CDH18: variants seen among roughly 807,000 people sequenced by gnomAD.
CDH18 encodes cadherin 18.
Under a neutral mutation model 67.9 loss-of-function variants are expected in CDH18, and 31 were observed. The observed-to-expected ratio is 0.46, with a 90% confidence interval of 0.34 to 0.62. The LOEUF is 0.62. CDH18 is among the 20% of genes least tolerant of loss of function. The probability of loss-of-function intolerance (pLI) is 0.01; values close to 1 mark genes in which losing one functional copy is unlikely to be tolerated. For synonymous variants in CDH18, 362 were observed against 347.2 expected (o/e 1.04, Z -0.48); for missense variants, 890 against 975.5 (o/e 0.91, Z 1.17).
chr5:19,827,045 A>C (rs2149975665), intron 3 of CDH18, among the ~76,000 whole-genome samples: 1 of 152,268 alleles, frequency 6.6e-6, no homozygotes, highest in Middle Eastern at 3.4e-3. Flanking sequence ...AAATCTACCA[A>C]GAAAATGGCA....
intron 1 of CDH18, among the ~76,000 whole-genome samples, chr5:20,275,222 G>C (rs1379135344): frequency 1.3e-5 from 2 of 152,072 alleles, no homozygotes; most frequent in East Asian, 3.9e-4. Flanking sequence ...AATGGGAGGT[G>C]ATTGGATCAT....
At chr5:19,553,371 C>T (rs567138283) in intron 8 of CDH18, among the ~76,000 whole-genome samples, 2 of 151,434 alleles carry the variant, frequency 1.3e-5, no homozygotes, top group Non-Finnish European at 2.9e-5. Flanking sequence ...CTGACCTGCA[C>T]GTTGTGAACA....
chr5:19,555,604 A>G (rs1239384208), intron 8 of CDH18, among the ~76,000 whole-genome samples: 5 of 152,138 alleles, frequency 3.3e-5, no homozygotes, highest in Non-Finnish European at 7.4e-5. Context: ...CCCATCCTCC[A>G]CAGCAGCCAC....
intron 1 of CDH18, among the ~76,000 whole-genome samples, chr5:20,470,720 T>A (rs1159564897): frequency 6.6e-6 from 1 of 152,158 alleles, no homozygotes; most frequent in African/African-American, 2.4e-5. Flanking sequence ...AAGTCTCTCC[T>A]CCTTTTGACA....
intron 1 of CDH18, among the ~76,000 whole-genome samples, chr5:20,436,107 T>C (rs902803717): frequency 2.0e-5 from 3 of 152,032 alleles, no homozygotes; most frequent in Admixed American, 6.6e-5. Flanking sequence ...CACCTTTCCC[T>C]GTCTCTGATG....
At chr5:19,570,699 T>C (rs1183134178) in intron 8 of CDH18, among the ~76,000 whole-genome samples, 1 of 151,804 alleles carries the variant, frequency 6.6e-6, no homozygotes, top group African/African-American at 2.4e-5. Context: ...CTTTCTGATT[T>C]TGTTATAAAT....
intron 2 of CDH18, among the ~76,000 whole-genome samples, chr5:20,131,609 T>C (rs946246747): frequency 4.6e-5 from 7 of 152,146 alleles, no homozygotes; most frequent in Admixed American, 4.6e-4. Context: ...GTATGAATCC[T>C]CTAGAAAAAG....
At chr5:20,114,873 C>T (rs1272750462) in intron 2 of CDH18, among the ~76,000 whole-genome samples, 4 of 152,028 alleles carry the variant, frequency 2.6e-5, no homozygotes, top group Non-Finnish European at 5.9e-5. Flanking sequence ...TAAAAAAAAT[C>T]CAGTAATAGT....
intron 5 of CDH18, among the ~76,000 whole-genome samples, chr5:19,678,246 CAA>C (rs397736814): frequency 7.0e-6 from 1 of 141,984 alleles, no homozygotes. Context: ...CTCAGCAAAT[CAA>C]AAAAAAAAAA....
At chr5:20,523,005 A>G (rs1478291916) in intron 1 of CDH18, among the ~76,000 whole-genome samples, 1 of 152,192 alleles carries the variant, frequency 6.6e-6, no homozygotes, top group Non-Finnish European at 1.5e-5. Context: ...TTTTTATGCT[A>G]GACATGAAAC....
chr5:19,677,101 G>T lies in CDH18; in HGVS notation c.643+44246C>A, dbSNP rs150505503. 1.4e-3 allele frequency among the ~76,000 whole-genome samples: 207 copies of T among 152,130 alleles called. 1 individual carries two copies. Among genetic ancestry groups the T allele is most frequent in the Admixed American group, 2.8e-3 (42 of 15,242 alleles). ...ACTGGTAACATTCCCAAGACACAGAGTCATCAGATTCTCCAAGGCCAAAAT... is the reference window on the plus strand; with the variant it reads ...ACTGGTAACATTCCCAAGACACAGATTCATCAGATTCTCCAAGGCCAAAAT... On this transcript the variant is annotated intron_variant, in intron 5 of 12. Transcript: ENST00000382275.
chr5:19,653,543 C>T (rs1755883594), intron 5 of CDH18, among the ~76,000 whole-genome samples: 1 of 152,084 alleles, frequency 6.6e-6, no homozygotes, highest in South Asian at 2.1e-4. Flanking sequence ...AATGTCCAGC[C>T]CATTGGTGGC....
At position 19,593,696 on chromosome 5, in the gene CDH18, T is replaced by TTCCACCTCCTCC. The variant is rs1745601027; in HGVS notation, c.812-2453_812-2452insGGAGGAGGTGGA. On this transcript the variant is annotated intron_variant, in intron 6 of 12. Coordinates refer to ENST00000382275, the MANE Select transcript of CDH18 (RefSeq NM_004934.5). ...CTTCTTCCTCCTCCTTCTCTTCCTC[T>TTCCACCTCCTCC]TCCTCCTCCTCCTTCTTCTTCTTCT... 1.2e-4 allele frequency among the ~76,000 whole-genome samples: 2 copies of TTCCACCTCCTCC among 16,822 alleles called. 1 individual carries two copies. The highest frequency in any genetic ancestry group is 4.5e-4 in the Non-Finnish European group (2 of 4,460). The allele number at this position is 16,822 out of a possible 152,430, so 11.0% of individuals were successfully genotyped here. A position where few individuals can be genotyped will look rare whatever the true frequency, so the allele number is the denominator to read the frequency against.
At chr5:20,049,693 A>G (rs1006251768) in intron 2 of CDH18, among the ~76,000 whole-genome samples, 2 of 151,752 alleles carry the variant, frequency 1.3e-5, no homozygotes, top group Admixed American at 6.6e-5. Context: ...ATGGATCTCA[A>G]TGGATTTCAA....
chr5:20,042,534 T>C (rs950877830), intron 2 of CDH18, among the ~76,000 whole-genome samples: 4 of 152,230 alleles, frequency 2.6e-5, no homozygotes, highest in Non-Finnish European at 2.9e-5. Context: ...GCTGGCAGTT[T>C]ATTTCATAGC....
chr5:20,210,837 A>C (rs1278833225), intron 2 of CDH18, among the ~76,000 whole-genome samples: 1 of 152,090 alleles, frequency 6.6e-6, no homozygotes, highest in Non-Finnish European at 1.5e-5. Context: ...ACAATTTTAT[A>C]AGAAATATTT....
intron 1 of CDH18, among the ~76,000 whole-genome samples, chr5:20,368,106 A>G (rs1742671030): frequency 6.6e-6 from 1 of 152,234 alleles, no homozygotes; most frequent in Non-Finnish European, 1.5e-5. Flanking sequence ...AGCACATTTA[A>G]TTACCATTTT....
chr5:19,974,087 A>G (rs2150343850), intron 2 of CDH18, among the ~76,000 whole-genome samples: 1 of 152,240 alleles, frequency 6.6e-6, no homozygotes, highest in South Asian at 2.1e-4. Flanking sequence ...CATATTTTTA[A>G]AATATTTTAG....
chr5:20,136,290 T>C (rs1749708426), intron 2 of CDH18, among the ~76,000 whole-genome samples: 1 of 152,190 alleles, frequency 6.6e-6, no homozygotes, highest in African/African-American at 2.4e-5. Flanking sequence ...ATTGGGTGCA[T>C]AAATATTTAG....
Sources: allele counts gnomAD v4.1 joint callset (sites outside exome capture counted in the v4.1 genomes callset), GRCh38; gene constraint gnomAD v4.1.1; transcripts MANE v1.5; gene names NCBI Gene and HGNC (gene_info 2026-07-23, HGNC 2026-07-21).